DHRS3: variants seen among roughly 807,000 people sequenced by gnomAD.
DHRS3 encodes the protein dehydrogenase/reductase 3, also known as short-chain dehydrogenase/reductase 3.
In DHRS3, 14 loss-of-function variants were observed where a neutral mutation model predicts 27.2. That is an observed-to-expected ratio of 0.52 (90% CI 0.34 to 0.81). The LOEUF is 0.81. DHRS3 is among the 30% of genes least tolerant of loss of function. The pLI, the probability that DHRS3 is intolerant of heterozygous loss-of-function variation, is 0.01. For missense variants in DHRS3, 322 were observed against 406.2 expected (o/e 0.79, Z 1.78); for synonymous variants, 165 against 175.9 (o/e 0.94, Z 0.49).
intron 1 of DHRS3, among the ~76,000 whole-genome samples, chr1:12,596,591 G>A (rs1646799576): frequency 1.3e-5 from 2 of 152,096 alleles, no homozygotes; most frequent in African/African-American, 2.4e-5. Context: ...GGCAGCCAGC[G>A]CTCAGAGCTG....
chr1:12,595,041 G>A (rs909095590), intron 1 of DHRS3, among the ~76,000 whole-genome samples: 1 of 152,172 alleles, frequency 6.6e-6, no homozygotes, highest in Admixed American at 6.5e-5. Context: ...TGTGCAGGAA[G>A]AGAATCCCAG....
At chr1:12,595,083 G>C (rs548804910) in intron 1 of DHRS3, among the ~76,000 whole-genome samples, 259 of 152,314 alleles carry the variant, frequency 1.7e-3, no homozygotes, top group African/African-American at 6.0e-3. Context: ...ATTGGTTTAC[G>C]CAGAGGGAGG....
chr1:12,609,170 T>C (rs1362732554), intron 1 of DHRS3, among the ~76,000 whole-genome samples: 1 of 152,186 alleles, frequency 6.6e-6, no homozygotes. Flanking sequence ...TTTTTCAGTC[T>C]GGGGATGGTG....
rs1024727094 is a variant in DHRS3, at chr1:12,593,998, G to C, written c.196-13332C>G. On this transcript the variant is annotated intron_variant, in intron 1 of 5. Coordinates refer to ENST00000616661, the MANE Select transcript of DHRS3 (RefSeq NM_004753.7). The surrounding 1 kb of genome is among the most constrained non-coding windows in gnomAD (Gnocchi z 4.6). ...CACGGAGGCAGAGAAACTCAGGCTAGAGTTCATGGCTGACACCTCACAACC... is the reference window on the plus strand; with the variant it reads ...CACGGAGGCAGAGAAACTCAGGCTACAGTTCATGGCTGACACCTCACAACC... Among the ~76,000 whole-genome samples the C allele has an allele frequency of 6.6e-6, 1 of 152,220 alleles. No individual in the cohort carries two copies. Among genetic ancestry groups the C allele is most frequent in the African/African-American group, 2.4e-5 (1 of 41,450 alleles).
At chr1:12,583,043 T>C (rs1343899992) in intron 1 of DHRS3, among the ~76,000 whole-genome samples, 1 of 136,792 alleles carries the variant, frequency 7.3e-6, no homozygotes, top group African/African-American at 2.8e-5. Context: ...CCCAACTCCA[T>C]CCACTCATCC....
intron 1 of DHRS3, among the ~76,000 whole-genome samples, chr1:12,610,401 T>C (rs1280415719): frequency 1.3e-5 from 2 of 152,166 alleles, no homozygotes; most frequent in Non-Finnish European, 2.9e-5. Context: ...CTGATCTTGC[T>C]TTTTATCTGT....
chr1:12,589,420 G>A (rs950381080), intron 1 of DHRS3, among the ~76,000 whole-genome samples: 2 of 129,352 alleles, frequency 1.5e-5, no homozygotes, highest in African/African-American at 6.2e-5. Flanking sequence ...ATGGAGGCTT[G>A]CTCTGTGGGC....
In DHRS3 at chr1:12,586,266, C is replaced by T. The variant is rs1422997283; in HGVS notation, c.196-5600G>A. Among the ~76,000 whole-genome samples, 10 of 152,244 alleles carry T rather than the reference C, an allele frequency of 6.6e-5. No homozygotes were observed. Among genetic ancestry groups the T allele is most frequent in the East Asian group, 1.9e-4 (1 of 5,206 alleles). On this transcript the variant is annotated intron_variant, in intron 1 of 5. Transcript: ENST00000616661. The surrounding 1 kb of genome is among the most constrained non-coding windows in gnomAD (Gnocchi z 5.0). ...CAAAGGAGTTAAGTAACTCACCCCA[C>T]GCCACCCACTGTGAAACAGGATTTG...
chr1:12,584,801 T>C (rs72642687), intron 1 of DHRS3, among the ~76,000 whole-genome samples: 20,451 of 152,256 alleles, frequency 0.13, 1,779 homozygotes, highest in Non-Finnish European at 0.2. Flanking sequence ...CTGGCTGCTG[T>C]GCGCATGCCC....
At position 12,578,024 on chromosome 1, in the gene DHRS3, G is replaced by C. The variant is rs763252435; in HGVS notation, c.698+694C>G. ...CCCCCAGCCCTCCAGGGGAAGCCAC[G>C]GGTCTGATTTCCATCACCCTAACCC... On this transcript the variant is annotated intron_variant, in intron 4 of 5. Coordinates refer to ENST00000616661, the MANE Select transcript of DHRS3 (RefSeq NM_004753.7). This position sits in a 1 kb window ranked among gnomAD's most constrained non-coding sequence, Gnocchi z 4.5. Among the ~76,000 whole-genome samples, 4 of 152,098 alleles carry C rather than the reference G, an allele frequency of 2.6e-5. No homozygotes were observed. The highest frequency in any genetic ancestry group is 5.9e-5 in the Non-Finnish European group (4 of 68,026).
At chr1:12,582,027 G>T (rs1458092486) in intron 1 of DHRS3, among the ~76,000 whole-genome samples, 1 of 152,132 alleles carries the variant, frequency 6.6e-6, no homozygotes, top group African/African-American at 2.4e-5. Context: ...TTACTCTAAA[G>T]GTTGCTAATG....
intron 1 of DHRS3, among the ~76,000 whole-genome samples, chr1:12,590,624 C>T (rs1213326002): frequency 2.0e-5 from 3 of 151,994 alleles, no homozygotes; most frequent in East Asian, 3.9e-4. Context: ...ATAGTCATTT[C>T]TACAAAGACT....
At chr1:12,611,820 G>A (rs956453266) in intron 1 of DHRS3, among the ~76,000 whole-genome samples, 2 of 151,922 alleles carry the variant, frequency 1.3e-5, no homozygotes, top group Admixed American at 1.3e-4. Flanking sequence ...GGCTGGGTGT[G>A]GAAGCTCATA....
chr1:12,568,456 T>C (rs760597870), intron 5 of DHRS3, 32 bp from the exon 6 acceptor site: 7 of 1,604,588 alleles, frequency 4.4e-6, no homozygotes, highest in Non-Finnish European at 6.0e-6. Context: ...AAGATAGCGA[T>C]GGTTAGTGGG....
At chr1:12,609,296 C>A (rs1646891170) in intron 1 of DHRS3, among the ~76,000 whole-genome samples, 1 of 152,168 alleles carries the variant, frequency 6.6e-6, no homozygotes, top group Admixed American at 6.5e-5. Context: ...AGTCACGATT[C>A]CTCAGAGCCG....
intron 4 of DHRS3, 111 bp from the exon 5 acceptor site, chr1:12,572,964 A>G (rs4846122): frequency 0.2 from 270,481 of 1,361,776 alleles, 29,251 homozygotes; most frequent in Non-Finnish European, 0.22. Flanking sequence ...CCTGTCTGAG[A>G]GATTCGAGGC....
chr1:12,588,494 T>C (rs762349490), intron 1 of DHRS3, among the ~76,000 whole-genome samples: 7 of 152,144 alleles, frequency 4.6e-5, no homozygotes, highest in Non-Finnish European at 1.0e-4. Context: ...ACTAGTCTTT[T>C]TTCAACCTCC....
chr1:12,578,317 C>A lies in DHRS3; in HGVS notation c.698+401G>T, dbSNP rs61776829. Among the ~76,000 whole-genome samples, 20,547 of 152,060 alleles carry A rather than the reference C, an allele frequency of 0.14. 1,821 individuals are homozygous for A. Among genetic ancestry groups the A allele is most frequent in the Non-Finnish European group, 0.21 (14,252 of 67,934 alleles). ...ACAGAGGGTAGAGGCTCCTTGGTGA[C>A]TTTTTGTTTTGAGACAGGGTCTCAC... On this transcript the variant is annotated intron_variant, in intron 4 of 5. Transcript: ENST00000616661. The surrounding 1 kb of genome is among the most constrained non-coding windows in gnomAD (Gnocchi z 4.5).
intron 2 of DHRS3, 94 bp from the exon 3 acceptor site, chr1:12,579,506 C>T: frequency 1.3e-6 from 2 of 1,520,878 alleles, no homozygotes; most frequent in Non-Finnish European, 1.8e-6. Context: ...GATGGAGTCT[C>T]ACTCTGTTGT....
Sources: gnomAD v4.1 joint callset for allele counts (sites outside exome capture counted in the v4.1 genomes callset) on GRCh38, gnomAD v4.1.1 for gene constraint, Gnocchi (gnomAD v3.1) non-coding constraint, MANE v1.5 for transcripts, NCBI Gene and HGNC (gene_info 2026-07-23, HGNC 2026-07-21) for gene names.